The following GOLGA8A variants were observed in gnomAD, a reference collection of about 807,000 sequenced individuals.
GOLGA8A encodes the protein golgin subfamily A member 8A.
Under a neutral mutation model 22.1 loss-of-function variants are expected in GOLGA8A, and 3 were observed. The observed-to-expected ratio is 0.14, with a 90% CI of 0.06 to 0.35. The LOEUF (loss-of-function observed/expected upper bound fraction) is 0.35. Ranked by LOEUF, GOLGA8A falls within the 10% of genes least tolerant of loss-of-function variation. The pLI, the probability that GOLGA8A is intolerant of heterozygous loss-of-function variation, is 1.00. For synonymous variants in GOLGA8A, 7 were observed against 91.7 expected (o/e 0.08, Z 5.28); for missense variants, 16 against 233.2 (o/e 0.07, Z 6.07).
rs1328653397 is a variant in GOLGA8A at position 34,421,644 on chromosome 15, G to A, written c.-1123+13739C>T. Reference sequence around the variant, plus strand: ...GCCATCTCTCAGCTCAGGGGTCCACGACAAAGCTAACCCCACTGAGATGAA... The same window carrying A: ...GCCATCTCTCAGCTCAGGGGTCCACAACAAAGCTAACCCCACTGAGATGAA... On this transcript the variant is annotated intron_variant, in intron 2 of 24. Coordinates refer to ENST00000359187, the MANE Select transcript of GOLGA8A (RefSeq NM_181077.5). Among the ~76,000 whole-genome samples the A allele has an allele frequency of 2.1e-5, 3 of 143,822 alleles. 1 individual carries two copies. The highest frequency in any genetic ancestry group is 4.6e-5 in the Non-Finnish European group (3 of 65,604). The allele number at this position is 143,822 out of a possible 152,430, so 94.4% of individuals were successfully genotyped here.
rs1892871462 is a variant in GOLGA8A at position 34,423,725 on chromosome 15, T to C, written c.-1123+11658A>G. Among the ~76,000 whole-genome samples, 3 of 149,038 alleles carry C rather than the reference T, an allele frequency of 2.0e-5. 1 individual carries two copies. Among genetic ancestry groups the C allele is most frequent in the Non-Finnish European group, 3.0e-5 (2 of 67,060 alleles). On this transcript the variant is annotated intron_variant, in intron 2 of 24. Transcript: ENST00000359187. The stretch of plus-strand genomic sequence containing the variant: ...GAAATTTGGTGGCACGGGCAGCACC[T>C]CCTGGCACAGTCAGGGTGGGGGCTC...
Position 34,379,721 on chromosome 15 carries a change from A to T in GOLGA8A, c.*1690T>A, listed in dbSNP as rs976666612. On this transcript the variant is annotated 3_prime_UTR_variant, in exon 25 of 25. Coordinates refer to ENST00000359187, the MANE Select transcript of GOLGA8A (RefSeq NM_181077.5). The stretch of plus-strand genomic sequence containing the variant: ...GAGCACACCTACATATCTCCCTACA[A>T]CCTAATAATGTGATGTGTTTTGGAA... The T allele has an allele frequency of 2.0e-5, 3 of 152,598 alleles. No individual in the cohort carries two copies. The highest frequency in any genetic ancestry group is 1.3e-4 in the Admixed American group (2 of 15,278). 9.5% of individuals were successfully genotyped at this position (152,598 alleles called of 1,614,324 possible).
intron 2 of GOLGA8A, chr15:34,417,472 GT>G (rs1157201464): frequency 1.8e-5 from 2 of 111,888 alleles, no homozygotes; most frequent in African/African-American, 6.3e-5. Context: ...TGCAACCTGT[GT>G]TTTTCACAGA....
At chr15:34,397,305 T>C (rs1891891752) in intron 8 of GOLGA8A, among the ~76,000 whole-genome samples, 2 of 146,870 alleles carry the variant, frequency 1.4e-5, no homozygotes, top group South Asian at 4.4e-4. Context: ...TTTCTGTAAG[T>C]TCTATTTCAT....
rs953752317 is a variant in GOLGA8A at position 34,431,804 on chromosome 15, A to AT, written c.-1123+3578dup. On this transcript the variant is annotated intron_variant, in intron 2 of 24. Coordinates refer to ENST00000359187, the MANE Select transcript of GOLGA8A (RefSeq NM_181077.5). Reference sequence around the variant, plus strand: ...TTTTTATTTTTTAAATATTTTATATATTTTTTTAAAATAAAGTAACTGCAC... The same window carrying AT: ...TTTTTATTTTTTAAATATTTTATATATTTTTTTTAAAATAAAGTAACTGCAC... 2.8e-4 allele frequency among the ~76,000 whole-genome samples: 41 copies of AT among 147,968 alleles called. 3 individuals are homozygous for AT. The highest frequency in any genetic ancestry group is 1.0e-3 in the African/African-American group (40 of 39,806).
chr15:34,437,214 G>A (rs1330080969), intron 1 of GOLGA8A, among the ~76,000 whole-genome samples, 184 bp downstream of exon 1: 2 of 146,796 alleles, frequency 1.4e-5, no homozygotes, highest in African/African-American at 5.0e-5. Flanking sequence ...AAGGCCGCCG[G>A]GCTGCACCCC....
rs1891361985 is a variant in GOLGA8A, at chr15:34,379,364, T to C, written c.*2047A>G. 1 of 152,582 alleles carries C rather than the reference T, an allele frequency of 6.6e-6. No homozygotes were observed. The highest frequency in any genetic ancestry group is 2.4e-5 in the African/African-American group (1 of 41,466). 9.5% of individuals were successfully genotyped at this position (152,582 alleles called of 1,614,324 possible). On this transcript the variant is annotated 3_prime_UTR_variant, in exon 25 of 25. Coordinates refer to ENST00000359187, the MANE Select transcript of GOLGA8A (RefSeq NM_181077.5). ...GTTACATTTTTTAATATTTATATTATTTTAAAATGACTCTTTAAGATACAG... is the reference window on the plus strand; with the variant it reads ...GTTACATTTTTTAATATTTATATTACTTTAAAATGACTCTTTAAGATACAG...
At chr15:34,422,950 G>A (rs1032671809) in intron 2 of GOLGA8A, among the ~76,000 whole-genome samples, 1 of 125,210 alleles carries the variant, frequency 8.0e-6, no homozygotes, top group African/African-American at 2.8e-5. Context: ...TCTGAAGACA[G>A]CACAGACAAC....
intron 2 of GOLGA8A, among the ~76,000 whole-genome samples, chr15:34,434,596 G>C (rs556500963): frequency 6.7e-6 from 1 of 148,868 alleles, no homozygotes; most frequent in African/African-American, 2.5e-5. Context: ...GCGGTGGGCA[G>C]CAGGGGGGTG....
Position 34,436,627 on chromosome 15 carries a change from G to A in GOLGA8A, c.-1212+771C>T, listed in dbSNP as rs569943224. 3.8e-4 allele frequency among the ~76,000 whole-genome samples: 57 copies of A among 150,234 alleles called. 4 individuals carry two copies. Among genetic ancestry groups the A allele is most frequent in the Non-Finnish European group, 7.7e-4 (52 of 67,300 alleles). The stretch of plus-strand genomic sequence containing the variant: ...CACCCTCCCTCCGCGTCGGCCCGGA[G>A]AAAAGGAAGTTCGCCCCTAGCCTGG... On this transcript the variant is annotated intron_variant, in intron 1 of 24. Transcript: ENST00000359187.
intron 2 of GOLGA8A, among the ~76,000 whole-genome samples, chr15:34,434,013 T>A (rs1025667755): frequency 6.8e-6 from 1 of 147,854 alleles, no homozygotes; most frequent in South Asian, 2.2e-4. Context: ...GAGGCAAGAG[T>A]GGCCTGGCAA....
Position 34,431,345 on chromosome 15 carries a change from ATC to A in GOLGA8A, c.-1123+4036_-1123+4037del, listed in dbSNP as rs1232402619. Among the ~76,000 whole-genome samples, 6 of 130,530 alleles carry A rather than the reference ATC, an allele frequency of 4.6e-5. No individual in the cohort carries two copies. The South Asian group carries it at 9.8e-4, about 21-fold the overall frequency. The allele number at this position is 130,530 out of a possible 152,430, so 85.6% of individuals were successfully genotyped here. A position where few individuals can be genotyped will look rare whatever the true frequency, so the allele number is the denominator to read the frequency against. On this transcript the variant is annotated intron_variant, in intron 2 of 24. Transcript: ENST00000359187. ...TATATATATATATATATATATATATATCTCACACACACACACTCGTGTCACTT... is the reference window on the plus strand; with the variant it reads ...TATATATATATATATATATATATATATCACACACACACACTCGTGTCACTT...
At position 34,381,706 on chromosome 15, in the gene GOLGA8A, T is replaced by TGG; in HGVS notation, c.1603_1604insCC (p.His535ProfsTer92). The TGG allele has an allele frequency of 7.2e-7, 1 of 1,385,830 alleles. No individual in the cohort carries two copies. The highest frequency in any genetic ancestry group is 1.0e-6 in the Non-Finnish European group (1 of 1,003,518). The allele number at this position is 1,385,830 out of a possible 1,614,324, so 85.8% of individuals were successfully genotyped here. On this transcript the variant is annotated frameshift_variant, in exon 24 of 25. Transcript: ENST00000359187. LOFTEE classifies it high-confidence loss of function. The stretch of plus-strand genomic sequence containing the variant: ...CGCCTGGGGGCTCTACTCACCACCA[T>TGG]GCTTGTCGGCAGCCCCGAGCTCCTG...
rs1349854387 is a variant in GOLGA8A at position 34,425,387 on chromosome 15, A to AG, written c.-1123+9995_-1123+9996insC. ...GACTAGGAAATTAGGTTGGAATCCT[A>AG]TAAAAAAAAAAAAACTACATCCACA... On this transcript the variant is annotated intron_variant, in intron 2 of 24. Coordinates refer to ENST00000359187, the MANE Select transcript of GOLGA8A (RefSeq NM_181077.5). 3.7e-5 allele frequency among the ~76,000 whole-genome samples: 4 copies of AG among 109,308 alleles called. 1 individual carries two copies. The highest frequency in any genetic ancestry group is 6.5e-5 in the Non-Finnish European group (3 of 45,858). 71.7% of individuals were successfully genotyped at this position (109,308 alleles called of 152,430 possible).
chr15:34,431,143 T>A (rs796597677), intron 2 of GOLGA8A, among the ~76,000 whole-genome samples: 1 of 137,452 alleles, frequency 7.3e-6, no homozygotes, highest in Non-Finnish European at 1.6e-5. Flanking sequence ...TCCAAGACAG[T>A]TGATAATCAA....
In GOLGA8A at chr15:34,437,485, T is replaced by G. The variant is rs1304377875; in HGVS notation, c.-1299A>C. The G allele has an allele frequency of 1.5e-4, 9 of 60,402 alleles. No homozygotes were observed. The highest frequency in any genetic ancestry group is 5.9e-4 in the African/African-American group (7 of 11,862). 3.7% of individuals were successfully genotyped at this position (60,402 alleles called of 1,614,324 possible). ...CGCCGCCGTCCTCGCCGCGCCGCCG[T>G]CCTCGCCGCGCCGCCGTCCTCGCCG... On this transcript the variant is annotated 5_prime_UTR_variant, in exon 1 of 25. Transcript: ENST00000359187.
chr15:34,434,992 G>C (rs1395729615), intron 2 of GOLGA8A, among the ~76,000 whole-genome samples: 1 of 149,594 alleles, frequency 6.7e-6, no homozygotes, highest in East Asian at 2.0e-4. Flanking sequence ...GCCACCCAGT[G>C]ATGTGTGCTG....
At chr15:34,434,369 C>G (rs1332486818) in intron 2 of GOLGA8A, among the ~76,000 whole-genome samples, 1 of 149,610 alleles carries the variant, frequency 6.7e-6, no homozygotes, top group African/African-American at 2.5e-5. Context: ...AATCATAAAG[C>G]ACACAGCAAT....
At chr15:34,421,469 G>C (rs1892794752) in intron 2 of GOLGA8A, among the ~76,000 whole-genome samples, 1 of 139,566 alleles carries the variant, frequency 7.2e-6, no homozygotes, top group Non-Finnish European at 1.5e-5. Context: ...GTGATACCCA[G>C]GAAATGACGC....
Sources: allele counts gnomAD v4.1 joint callset (sites outside exome capture counted in the v4.1 genomes callset), GRCh38; gene constraint gnomAD v4.1.1; transcripts MANE v1.5; gene names NCBI Gene and HGNC (gene_info 2026-07-23, HGNC 2026-07-21).